RTL9: variants seen among roughly 807,000 people sequenced by gnomAD.
RTL9 encodes the protein retrotransposon Gag like 9, also known as retrotransposon Gag-like protein 9.
RTL9 carries 19 observed loss-of-function variants against 44.7 expected under a neutral mutation model. The observed-to-expected ratio is 0.42, with a 90% CI of 0.30 to 0.62. The LOEUF (loss-of-function observed/expected upper bound fraction) is 0.62, where lower values mean the gene tolerates loss of function less well. Among genes scored for constraint, RTL9 ranks in the 20% least tolerant of loss-of-function variants. The pLI is 0.16. For synonymous variants in RTL9, 407 were observed against 398.9 expected (o/e 1.02, Z -0.24); for missense variants, 1,105 against 1,080.6 (o/e 1.02, Z -0.32).
upstream of RTL9, among the ~76,000 whole-genome samples, chrX:110,448,721 T>A (rs1390251356): frequency 9.2e-6 from 1 of 108,501 alleles, no homozygotes; most frequent in Non-Finnish European, 1.9e-5. Context: ...TGGCAGGGGA[T>A]AGCAAAGGGA....
chrX:110,388,222 T>TG (rs2068471513), intron 1 of RTL9, among the ~76,000 whole-genome samples: 2 of 111,754 alleles, frequency 1.8e-5, no homozygotes, highest in Non-Finnish European at 3.8e-5. Context: ...GGGGCCCACA[T>TG]CAAGTTTTTC....
chrX:110,432,335 C>T (rs897662034), intron 1 of RTL9, among the ~76,000 whole-genome samples: 3 of 112,398 alleles, frequency 2.7e-5, no homozygotes, highest in African/African-American at 9.7e-5. Context: ...CACCCCCTGC[C>T]GGGTTCTTTC....
At chrX:110,452,964 C>G in exon 1 of RTL9, 1 of 1,211,809 alleles carries the variant, frequency 8.3e-7, no homozygotes, top group Non-Finnish European at 1.1e-6. Flanking sequence ...GAGGCCCTCA[C>G]TGCTCACAAG....
intron 1 of RTL9, among the ~76,000 whole-genome samples, chrX:110,365,297 G>A (rs1486693804): frequency 8.9e-6 from 1 of 111,911 alleles, no homozygotes; most frequent in Non-Finnish European, 1.9e-5. Flanking sequence ...GAATAATTCT[G>A]ATACATATTC....
intron 1 of RTL9, among the ~76,000 whole-genome samples, chrX:110,378,609 A>G (rs1477652393): frequency 8.9e-6 from 1 of 112,086 alleles, no homozygotes; most frequent in Non-Finnish European, 1.9e-5. Context: ...CTTTTGCCAA[A>G]CTACCATTCT....
intron 1 of RTL9, among the ~76,000 whole-genome samples, chrX:110,436,089 G>A (rs997593044): frequency 3.6e-5 from 4 of 112,598 alleles, no homozygotes; most frequent in African/African-American, 1.3e-4. Context: ...ATGAAGAATC[G>A]CTGTGCGTTT....
At chrX:110,384,959 G>A (rs1035721445) in intron 1 of RTL9, among the ~76,000 whole-genome samples, 2 of 110,784 alleles carry the variant, frequency 1.8e-5, no homozygotes, top group African/African-American at 3.3e-5. Flanking sequence ...CTCACATCTA[G>A]TGTAGCCCAA....
At chrX:110,408,097 G>C (rs1257743846) in intron 1 of RTL9, among the ~76,000 whole-genome samples, 1 of 112,762 alleles carries the variant, frequency 8.9e-6, no homozygotes, top group African/African-American at 3.2e-5. Flanking sequence ...GGCAACAACA[G>C]GTATCAATTT....
intron 1 of RTL9, among the ~76,000 whole-genome samples, chrX:110,380,975 C>T (rs188456181): frequency 2.6e-4 from 29 of 112,184 alleles, no homozygotes; most frequent in African/African-American, 9.1e-4. Context: ...TGTAAGACTT[C>T]AAACTATAAA....
chrX:110,388,965 G>C (rs1035128883), intron 1 of RTL9, among the ~76,000 whole-genome samples: 5 of 112,427 alleles, frequency 4.4e-5, no homozygotes, highest in African/African-American at 1.6e-4. Context: ...TTTTTAAGCA[G>C]TGTCCAAAGA....
At chrX:110,436,042 G>T (rs1039449548) in intron 1 of RTL9, among the ~76,000 whole-genome samples, 1 of 112,573 alleles carries the variant, frequency 8.9e-6, no homozygotes, top group South Asian at 3.7e-4. Flanking sequence ...AACCAGTAAG[G>T]TCTTCTATAG....
rs372157172 is a variant in RTL9 at position 110,453,516 on chromosome X, A to T, written c.2899A>T (p.Met967Leu). Residue 967 changes from methionine to leucine, a missense_variant, in exon 1 of 2, where the codon ATG becomes TTG. Transcript: ENST00000540313. Reference sequence around the variant, plus strand: ...CTCTGGAACAATGCCCATGCCTTTAATGTCAGCCATGGCTTCTGGAGAGAT... The same window carrying T: ...CTCTGGAACAATGCCCATGCCTTTATTGTCAGCCATGGCTTCTGGAGAGAT... The T allele has an allele frequency of 5.0e-6, 6 of 1,210,556 alleles. No homozygotes were observed. The highest frequency in any genetic ancestry group is 6.7e-6 in the Non-Finnish European group (6 of 895,360).
intron 1 of RTL9, among the ~76,000 whole-genome samples, chrX:110,444,743 C>G (rs191273528): frequency 4.4e-4 from 50 of 112,419 alleles, no homozygotes; most frequent in African/African-American, 1.6e-3. Context: ...CTGCTAGTAC[C>G]TCTAGGTACC....
chrX:110,399,565 C>T (rs1272059100), intron 1 of RTL9, among the ~76,000 whole-genome samples: 4 of 112,329 alleles, frequency 3.6e-5, no homozygotes, highest in Non-Finnish European at 5.6e-5. Context: ...CTGATTTTTT[C>T]GGGCTGTCTC....
intron 1 of RTL9, among the ~76,000 whole-genome samples, chrX:110,440,404 G>T (rs1263444323): frequency 8.9e-6 from 1 of 112,223 alleles, no homozygotes; most frequent in Non-Finnish European, 1.9e-5. Flanking sequence ...TGAATTTAAA[G>T]ATCTGGGTCG....
intron 1 of RTL9, among the ~76,000 whole-genome samples, chrX:110,413,805 C>T (rs1331633515): frequency 1.8e-5 from 2 of 111,323 alleles, no homozygotes; most frequent in African/African-American, 6.5e-5. Flanking sequence ...TACTACCTTC[C>T]CTCTCCATCC....
upstream of RTL9, among the ~76,000 whole-genome samples, chrX:110,447,883 G>T (rs1449824589): frequency 9.0e-6 from 1 of 111,487 alleles, no homozygotes; most frequent in Non-Finnish European, 1.9e-5. Flanking sequence ...TAGACTGAGG[G>T]TTTCTCCCCT....
upstream of RTL9, chrX:110,418,959 G>T (rs765987712): frequency 8.3e-5 from 9 of 108,602 alleles, no homozygotes; most frequent in African/African-American, 3.0e-4. Flanking sequence ...ACTCTAATGT[G>T]CATTGCCTAT....
chrX:110,446,913 C>T (rs2068910953), upstream of RTL9, among the ~76,000 whole-genome samples: 1 of 110,986 alleles, frequency 9.0e-6, no homozygotes, highest in African/African-American at 3.3e-5. Context: ...CCTCTCTGTT[C>T]CTCTGTTCTC....
Sources: gnomAD v4.1 joint callset for allele counts (sites outside exome capture counted in the v4.1 genomes callset) on GRCh38, gnomAD v4.1.1 for gene constraint, MANE v1.5 for transcripts, NCBI Gene and HGNC (gene_info 2026-07-23, HGNC 2026-07-21) for gene names.